TPBG: variants seen among roughly 807,000 people sequenced by gnomAD.
The protein encoded by TPBG is 5T4 oncofetal antigen.
In TPBG, 13 loss-of-function variants were observed where a neutral mutation model predicts 19.3. That is an observed-to-expected ratio of 0.67 (90% confidence interval 0.44 to 1.07). The LOEUF is 1.07. TPBG is among the 50% of genes least tolerant of loss of function. TPBG has a pLI of 0.00. For synonymous variants in TPBG, 338 were observed against 259.8 expected, an observed-to-expected ratio of 1.30 and a Z score of -2.89; for missense variants, 642 against 559.6, an observed-to-expected ratio of 1.15 and a Z score of -1.49.
chr6:82,366,848 A>C lies in TPBG; in HGVS notation c.*624A>C, dbSNP rs961247333. Reference sequence around the variant, plus strand: ...TTGATTGCAGTTTATATGAAAATGTACTGATTTTTTTTTAATAAACTGCAT... The same window carrying C: ...TTGATTGCAGTTTATATGAAAATGTCCTGATTTTTTTTTAATAAACTGCAT... On this transcript the variant is annotated 3_prime_UTR_variant, in exon 2 of 2. Coordinates refer to ENST00000369750, the MANE Select transcript of TPBG (RefSeq NM_001376922.1). 1 of 166,886 alleles carries C rather than the reference A, an allele frequency of 6.0e-6. No individual in the cohort carries two copies. The highest frequency in any genetic ancestry group is 2.4e-5 in the African/African-American group (1 of 41,354). 10.3% of individuals were successfully genotyped at this position (166,886 alleles called of 1,614,324 possible).
Position 82,365,669 on chromosome 6 carries a change from C to T in TPBG, c.708C>T (p.Leu236=). The part of the protein sequence containing the change: ...PRDVLAQLPS[L]RHLDLSNNSL... ...ATGTGCTGGCCCAACTGCCCAGCCT[C>T]AGGCACCTGGACTTAAGTAATAATT... Residue 236 remains leucine, a synonymous_variant, in exon 2 of 2, where the codon CTC becomes CTT. Coordinates refer to ENST00000369750, the MANE Select transcript of TPBG (RefSeq NM_001376922.1). The T allele has an allele frequency of 6.2e-7, 1 of 1,603,934 alleles. No homozygotes were observed.
At position 82,365,327 on chromosome 6, in the gene TPBG, G is replaced by A. The variant is rs764674740; in HGVS notation, c.366G>A (p.Ala122=). The part of the protein sequence containing the change: ...ARRPPLAELA[A]LNLSGSRLDE... ...GGCCGCCGCTGGCGGAGCTGGCCGC[G>A]CTCAACCTCAGCGGCAGCCGCCTGG... Residue 122 remains alanine (A), a synonymous_variant, in exon 2 of 2, where the codon GCG becomes GCA. Transcript: ENST00000369750. 3.8e-6 allele frequency: 6 copies of A among 1,577,376 alleles called. No individual in the cohort carries two copies. In the East Asian group the frequency reaches 7.2e-5, roughly 19 times the overall value.
In TPBG at chr6:82,363,850, G is replaced by A. The variant is rs796810520; in HGVS notation, c.-398G>A. ...AGTCGGCGCCCGCAACGCGGAGCCG[G>A]GAAGTCGTCGCTACTCTGGTGGAAC... is the stretch of plus-strand genomic sequence containing the variant. On this transcript the variant is annotated 5_prime_UTR_variant, in exon 1 of 2. Coordinates refer to ENST00000369750, the MANE Select transcript of TPBG (RefSeq NM_001376922.1). 8.5e-5 allele frequency: 13 copies of A among 152,618 alleles called. No individual in the cohort carries two copies. Among genetic ancestry groups the A allele is most frequent in the African/African-American group, 3.1e-4 (13 of 41,560 alleles). The allele number at this position is 152,618 out of a possible 1,614,324, so 9.5% of individuals were successfully genotyped here. A position where few individuals can be genotyped will look rare whatever the true frequency, so the allele number is the denominator to read the frequency against.
rs1381700878 is a variant in TPBG, at chr6:82,365,940, G to A, written c.979G>A (p.Glu327Lys). The change falls in exon 2 of 2, where the codon GAA (glutamate) becomes AAA (lysine). Residue 327 changes from glutamate to lysine, a missense_variant. Physicochemically the swap from Glu to Lys is moderately conservative, Grantham distance 56 (BLOSUM62 1). Transcript: ENST00000369750. Reference protein sequence around the residue: ...GKDRLTCAYPEKMRNRVLLEL... With the variant: ...GKDRLTCAYPKKMRNRVLLEL... ...AGACCGGCTCACCTGTGCATATCCG[G>A]AAAAAATGAGGAATCGGGTCCTCTT... 8.7e-6 allele frequency: 14 copies of A among 1,613,968 alleles called. No homozygotes were observed. The highest frequency in any genetic ancestry group is 1.7e-5 in the Admixed American group (1 of 59,988).
intron 1 of TPBG, 101 bp from the exon 2 acceptor site, chr6:82,364,522 C>T (rs1767415252): frequency 6.1e-6 from 1 of 163,022 alleles, no homozygotes; most frequent in South Asian, 2.0e-4. Context: ...AAGGAGGTCT[C>T]TGGGACAGAC....
chr6:82,365,363 C>G lies in TPBG; in HGVS notation c.402C>G (p.Arg134=), dbSNP rs748000395. The change falls in exon 2 of 2, where the codon CGC becomes CGG. Residue 134 remains arginine (R), a synonymous_variant. Transcript: ENST00000369750. ...GCGGCAGCCGCCTGGACGAGGTGCG[C>G]GCGGGCGCCTTCGAGCATCTGCCCA... ...NLSGSRLDEV[R]AGAFEHLPSL... The G allele has an allele frequency of 1.9e-6, 3 of 1,585,380 alleles. No individual in the cohort carries two copies. The African/African-American group carries it at 4.1e-5, about 22-fold the overall frequency.
chr6:82,366,230 A>G lies in TPBG; in HGVS notation c.*6A>G, dbSNP rs774092507. On this transcript the variant is annotated 3_prime_UTR_variant, in exon 2 of 2. Coordinates refer to ENST00000369750, the MANE Select transcript of TPBG (RefSeq NM_001376922.1). ...GTTCTAACTCGGATGTCTGAGAAAT[A>G]TTAGAGGACAGACCAAGGACAACTC... The G allele has an allele frequency of 3.8e-5, 59 of 1,570,524 alleles. No individual in the cohort carries two copies. Among genetic ancestry groups the G allele is most frequent in the Non-Finnish European group, 4.4e-5 (51 of 1,159,634 alleles).
chr6:82,363,847 C>G lies in TPBG; in HGVS notation c.-401C>G, dbSNP rs1345477149. 5.3e-5 allele frequency: 8 copies of G among 152,336 alleles called. No homozygotes were observed. The highest frequency in any genetic ancestry group is 7.3e-5 in the Non-Finnish European group (5 of 68,296). The allele number at this position is 152,336 out of a possible 1,614,324, so 9.4% of individuals were successfully genotyped here. A position where few individuals can be genotyped will look rare whatever the true frequency, so the allele number is the denominator to read the frequency against. ...GAGAGTCGGCGCCCGCAACGCGGAG[C>G]CGGGAAGTCGTCGCTACTCTGGTGG... On this transcript the variant is annotated 5_prime_UTR_variant, in exon 1 of 2. Coordinates refer to ENST00000369750, the MANE Select transcript of TPBG (RefSeq NM_001376922.1).
upstream of TPBG, chr6:82,363,207 TTCTCTC>T (rs956643103): frequency 2.7e-5 from 4 of 147,290 alleles, no homozygotes; most frequent in African/African-American, 7.3e-5. Flanking sequence ...TTTTTTTTCT[TTCTCTC>T]TCTCTCTCTC....
chr6:82,363,549 G>C (rs1038215147), upstream of TPBG: 6 of 152,206 alleles, frequency 3.9e-5, no homozygotes, highest in African/African-American at 1.4e-4. Context: ...GGTAAATACA[G>C]TATGCAAAAT....
chr6:82,366,158 T>TCA lies in TPBG; in HGVS notation c.1198_1199dup (p.Tyr401IlefsTer12). The TCA allele has an allele frequency of 5.0e-6, 8 of 1,612,926 alleles. No individual in the cohort carries two copies. Among genetic ancestry groups the TCA allele is most frequent in the Non-Finnish European group, 6.8e-6 (8 of 1,179,596 alleles). ...CCTGCAGGGATCACATGGAAGGGTA[T>TCA]CATTACAGATATGAAATCAATGCGG... is the stretch of plus-strand genomic sequence containing the variant. On this transcript the variant is annotated frameshift_variant, in exon 2 of 2. Coordinates refer to ENST00000369750, the MANE Select transcript of TPBG (RefSeq NM_001376922.1). LOFTEE classifies it high-confidence loss of function.
In TPBG at chr6:82,365,588, G is replaced by T. The variant is rs765110609; in HGVS notation, c.627G>T (p.Leu209=). The change falls in exon 2 of 2, where the codon CTG becomes CTT. Residue 209 remains leucine (L), a synonymous_variant. Coordinates refer to ENST00000369750, the MANE Select transcript of TPBG (RefSeq NM_001376922.1). ...VVAALLAGRA[L]QGLRRLELAS... ...CGGCCCTGCTGGCGGGCCGTGCACT[G>T]CAGGGGCTCCGCCGCTTGGAGCTGG... 6.3e-7 allele frequency: 1 copy of T among 1,596,752 alleles called. No individual in the cohort carries two copies. The highest frequency in any genetic ancestry group is 1.1e-5 in the South Asian group (1 of 87,674).
chr6:82,364,967 T>TG lies in TPBG; in HGVS notation c.12dup (p.Cys5ValfsTer75), dbSNP rs1397708325. On this transcript the variant is annotated frameshift_variant, in exon 2 of 2. Coordinates refer to ENST00000369750, the MANE Select transcript of TPBG (RefSeq NM_001376922.1). LOFTEE classifies it high-confidence loss of function. ...CCGGGGAAACGCGAGCCGCGATGCC[T>TG]GGGGGGTGCTCCCGGGGCCCCGCCG... is the stretch of plus-strand genomic sequence containing the variant. 2.3e-5 allele frequency: 34 copies of TG among 1,504,932 alleles called. No homozygotes were observed. The highest frequency in any genetic ancestry group is 2.9e-5 in the Non-Finnish European group (33 of 1,129,680). 93.2% of individuals were successfully genotyped at this position (1,504,932 alleles called of 1,614,324 possible). A position where few individuals can be genotyped will look rare whatever the true frequency, so the allele number is the denominator to read the frequency against.
Position 82,365,253 on chromosome 6 carries a change from C to T in TPBG, c.292C>T (p.Leu98Phe). ...GCCCGCCTACGTGCGCAACCTCTTC[C>T]TTACCGGCAACCAGCTGGCCGTGCT... ...DLPAYVRNLF[L>F]TGNQLAVLPA... Residue 98 changes from leucine (L) to phenylalanine (F), a missense_variant, in exon 2 of 2, where the codon CTT (leucine) becomes TTT (phenylalanine). By Grantham distance (22) the Leu-to-Phe change is conservative (BLOSUM62 0). Transcript: ENST00000369750. The T allele has an allele frequency of 1.9e-6, 3 of 1,584,826 alleles. No individual in the cohort carries two copies. Among genetic ancestry groups the T allele is most frequent in the Non-Finnish European group, 2.6e-6 (3 of 1,172,686 alleles).
At position 82,365,776 on chromosome 6, in the gene TPBG, T is replaced by G. The variant is rs755558338; in HGVS notation, c.815T>G (p.Val272Gly). The G allele has an allele frequency of 1.2e-6, 2 of 1,614,142 alleles. No homozygotes were observed. Among genetic ancestry groups the G allele is most frequent in the East Asian group, 4.5e-5 (2 of 44,852 alleles). Reference protein sequence around the residue: ...SLHLEDNALKVLHNGTLAELQ... With the variant: ...SLHLEDNALKGLHNGTLAELQ... ...CACCTGGAGGACAATGCCCTCAAGG[T>G]CCTTCACAATGGCACCCTGGCTGAG... Residue 272 changes from valine to glycine, a missense_variant, in exon 2 of 2, where the codon GTC (valine) becomes GGC (glycine). Physicochemically the swap from Val to Gly is moderately radical, Grantham distance 109. Transcript: ENST00000369750.
chr6:82,366,101 G>A lies in TPBG; in HGVS notation c.1140G>A (p.Gly380=), dbSNP rs765519280. 6.1e-5 allele frequency: 98 copies of A among 1,614,066 alleles called. No homozygotes were observed. The highest frequency in any genetic ancestry group is 8.0e-5 in the Non-Finnish European group (94 of 1,180,044). The change falls in exon 2 of 2, where the codon GGG becomes GGA. Residue 380 remains glycine (G), a synonymous_variant. Transcript: ENST00000369750. ...TGGTTTTGTATTTGAACCGCAAGGG[G>A]ATAAAAAAGTGGATGCATAACATCA... is the stretch of plus-strand genomic sequence containing the variant. ...FLLVLYLNRK[G]IKKWMHNIRD...
In TPBG at chr6:82,364,845, G is replaced by C. The variant is rs1227890795; in HGVS notation, c.-117G>C. The C allele has an allele frequency of 2.1e-6, 2 of 942,506 alleles. No individual in the cohort carries two copies. Among genetic ancestry groups the C allele is most frequent in the South Asian group, 2.4e-5 (1 of 41,332 alleles). 58.4% of individuals were successfully genotyped at this position (942,506 alleles called of 1,614,324 possible). A position where few individuals can be genotyped will look rare whatever the true frequency, so the allele number is the denominator to read the frequency against. ...TGCGGCGCCACTCCCTCGGTTCCACGAGAGGAAAGTTTTTTTTTTCCAGAC... is the reference window on the plus strand; with the variant it reads ...TGCGGCGCCACTCCCTCGGTTCCACCAGAGGAAAGTTTTTTTTTTCCAGAC... On this transcript the variant is annotated 5_prime_UTR_variant, in exon 2 of 2. Transcript: ENST00000369750.
Position 82,366,066 on chromosome 6 carries a change from A to G in TPBG, c.1105A>G (p.Ile369Val), listed in dbSNP as rs771896528. The stretch of plus-strand genomic sequence containing the variant: ...TATTGTTTTAGCCCTGATAGGCGCT[A>G]TTTTCCTCCTGGTTTTGTATTTGAA... The part of the protein sequence containing the change: ...LGIVLALIGA[I>V]FLLVLYLNRK... The change falls in exon 2 of 2, where the codon ATT becomes GTT. Residue 369 changes from isoleucine (I) to valine (V), a missense_variant. Ile to Val is a conservative substitution (Grantham distance 29). Coordinates refer to ENST00000369750, the MANE Select transcript of TPBG (RefSeq NM_001376922.1). 4 of 1,614,088 alleles carry G rather than the reference A, an allele frequency of 2.5e-6. No homozygotes were observed. Among genetic ancestry groups the G allele is most frequent in the South Asian group, 1.1e-5 (1 of 91,070 alleles).
Position 82,365,959 on chromosome 6 carries a change from T to G in TPBG, c.998T>G (p.Val333Gly). The G allele has an allele frequency of 6.2e-7, 1 of 1,614,014 alleles. No homozygotes were observed. Reference sequence around the variant, plus strand: ...TATCCGGAAAAAATGAGGAATCGGGTCCTCTTGGAACTCAACAGTGCTGAC... The same window carrying G: ...TATCCGGAAAAAATGAGGAATCGGGGCCTCTTGGAACTCAACAGTGCTGAC... ...CAYPEKMRNR[V>G]LLELNSADLD... The change falls in exon 2 of 2, where the codon GTC becomes GGC. Residue 333 changes from valine (V) to glycine (G), a missense_variant. Transcript: ENST00000369750.
Sources: allele counts gnomAD v4.1 joint callset, GRCh38; gene constraint gnomAD v4.1.1; transcripts MANE v1.5; gene names NCBI Gene and HGNC (gene_info 2026-07-23, HGNC 2026-07-21).